UNC5C: variants seen among roughly 807,000 people sequenced by gnomAD.
UNC5C encodes netrin receptor UNC5C.
UNC5C carries 47 observed loss-of-function variants against 99.8 expected under a neutral mutation model. That is an observed-to-expected ratio of 0.47 (90% confidence interval 0.37 to 0.60). UNC5C has a LOEUF of 0.60. Ranked by LOEUF, UNC5C falls within the 20% of genes least tolerant of loss-of-function variation. The pLI, the probability that UNC5C is intolerant of heterozygous loss-of-function variation, is 0.00. For missense variants in UNC5C, 1,062 were observed against 1,165.9 expected (o/e 0.91, Z 1.30); for synonymous variants, 487 against 452.2 (o/e 1.08, Z -0.98).
chr4:95,430,099 A>G (rs911478591), intron 1 of UNC5C, among the ~76,000 whole-genome samples: 2 of 152,098 alleles, frequency 1.3e-5, no homozygotes, highest in South Asian at 2.1e-4. Context: ...GTTGTTATAC[A>G]TTGGCCAAAA....
chr4:95,423,334 C>T (rs1430882678), intron 1 of UNC5C, among the ~76,000 whole-genome samples: 1 of 152,214 alleles, frequency 6.6e-6, no homozygotes, highest in Non-Finnish European at 1.5e-5. Flanking sequence ...TGTTCCCTGG[C>T]AGCTGAGCCC....
intron 1 of UNC5C, among the ~76,000 whole-genome samples, chr4:95,442,117 G>C (rs965711975): frequency 7.2e-5 from 11 of 152,070 alleles, no homozygotes; most frequent in Non-Finnish European, 4.4e-5. Flanking sequence ...AGTAGCGCAG[G>C]GGTAGAGAGA....
chr4:95,505,792 GA>G (rs1721901570), intron 1 of UNC5C, among the ~76,000 whole-genome samples: 1 of 152,118 alleles, frequency 6.6e-6, no homozygotes, highest in South Asian at 2.1e-4. Flanking sequence ...AGGAGATGTT[GA>G]AAAGGCAAAC....
At chr4:95,445,343 T>TC (rs1269208432) in intron 1 of UNC5C, among the ~76,000 whole-genome samples, 1 of 151,914 alleles carries the variant, frequency 6.6e-6, no homozygotes, top group East Asian at 1.9e-4. Flanking sequence ...TCTTTTTTTT[T>TC]TCTTTTAGAT....
chr4:95,277,388 A>C (rs73837520), intron 4 of UNC5C, among the ~76,000 whole-genome samples: 104 of 152,338 alleles, frequency 6.8e-4, no homozygotes, highest in African/African-American at 2.4e-3. Flanking sequence ...TTGGACTTGT[A>C]GGACACGGGG....
chr4:95,248,601 G>A lies in UNC5C; in HGVS notation c.775+1886C>T, dbSNP rs77834215. 2,239 of 450,974 alleles carry A rather than the reference G, an allele frequency of 5.0e-3. 53 individuals carry two copies. Among genetic ancestry groups the A allele is most frequent in the African/African-American group, 0.041 (2,030 of 49,788 alleles). The allele number at this position is 450,974 out of a possible 1,614,324, so 27.9% of individuals were successfully genotyped here. ...GGACTAGCAGAGTGATCTTGAGCCC[G>A]CTGTTTCTCAAGGACCTTTAATGCA... is the stretch of plus-strand genomic sequence containing the variant. On this transcript the variant is annotated intron_variant, in intron 5 of 15. Transcript: ENST00000453304.
chr4:95,473,341 T>C (rs944889305), intron 1 of UNC5C, among the ~76,000 whole-genome samples: 2 of 152,280 alleles, frequency 1.3e-5, no homozygotes, highest in East Asian at 1.9e-4. Flanking sequence ...GGTCCTGTTT[T>C]ATTTTTACAT....
In UNC5C at chr4:95,375,208, A is replaced by G. The variant is rs185622261; in HGVS notation, c.125-39577T>C. On this transcript the variant is annotated intron_variant, in intron 1 of 15. Coordinates refer to ENST00000453304, the MANE Select transcript of UNC5C (RefSeq NM_003728.4). ...GAGAAAATGACAGACACAGAGATAC[A>G]TAATAGGAGTTCAGAATCACCATAA... 3.3e-3 allele frequency among the ~76,000 whole-genome samples: 505 copies of G among 152,318 alleles called. 4 individuals are homozygous for G. The highest frequency in any genetic ancestry group is 0.011 in the African/African-American group (471 of 41,586).
At chr4:95,280,846 A>G (rs965227894) in intron 3 of UNC5C, among the ~76,000 whole-genome samples, 6 of 152,110 alleles carry the variant, frequency 3.9e-5, no homozygotes, top group African/African-American at 1.4e-4. Flanking sequence ...GCTGCCTTAG[A>G]ACCTGCTGAT....
At chr4:95,499,791 G>A (rs1461703243) in intron 1 of UNC5C, among the ~76,000 whole-genome samples, 1 of 152,052 alleles carries the variant, frequency 6.6e-6, no homozygotes, top group Admixed American at 6.6e-5. Context: ...TTAGAAGTTG[G>A]AGGTATGTAT....
intron 1 of UNC5C, among the ~76,000 whole-genome samples, chr4:95,379,255 T>C (rs1285453417): frequency 6.6e-6 from 1 of 152,170 alleles, no homozygotes; most frequent in Non-Finnish European, 1.5e-5. Context: ...AGTGATAGGA[T>C]TACACTGCTA....
chr4:95,294,118 C>T (rs901221740), intron 3 of UNC5C, among the ~76,000 whole-genome samples: 5 of 152,202 alleles, frequency 3.3e-5, no homozygotes, highest in African/African-American at 1.2e-4. Flanking sequence ...ATAGTTTAGA[C>T]ATACTGGACT....
chr4:95,241,282 TCAG>T, intron 7 of UNC5C, among the ~76,000 whole-genome samples: 1 of 152,180 alleles, frequency 6.6e-6, no homozygotes. Flanking sequence ...CTTTATACAC[TCAG>T]CAGCAGCCCG....
intron 1 of UNC5C, among the ~76,000 whole-genome samples, chr4:95,506,164 A>G (rs1176990101): frequency 6.6e-6 from 1 of 152,042 alleles, no homozygotes; most frequent in African/African-American, 2.4e-5. Flanking sequence ...TTCTCAGGAA[A>G]TGTAGATAAA....
At chr4:95,215,645 C>CTTAAGCTAGAAGACAGTCACAAAAGGA (rs1738220093) in intron 10 of UNC5C, among the ~76,000 whole-genome samples, 1 of 151,966 alleles carries the variant, frequency 6.6e-6, no homozygotes, top group African/African-American at 2.4e-5. Flanking sequence ...ATTAGTAATA[C>CTTAAGCTAGAAGACAGTCACAAAAGGA]TTAAGCTAGA....
At chr4:95,338,801 A>G (rs1258279747) in intron 1 of UNC5C, among the ~76,000 whole-genome samples, 1 of 152,120 alleles carries the variant, frequency 6.6e-6, no homozygotes, top group Non-Finnish European at 1.5e-5. Context: ...ATAGTGCCTC[A>G]GATTCATTTA....
intron 3 of UNC5C, among the ~76,000 whole-genome samples, chr4:95,291,352 A>C (rs979776906): frequency 1.3e-5 from 2 of 152,232 alleles, no homozygotes; most frequent in Non-Finnish European, 2.9e-5. Flanking sequence ...GAGTACAAAA[A>C]AAAGAATGCA....
intron 1 of UNC5C, among the ~76,000 whole-genome samples, chr4:95,357,542 G>C (rs1744251832): frequency 6.6e-6 from 1 of 152,054 alleles, no homozygotes; most frequent in Non-Finnish European, 1.5e-5. Flanking sequence ...CAGCACTTTG[G>C]GAGGCTGAGG....
chr4:95,255,626 G>A (rs562888967), intron 4 of UNC5C, among the ~76,000 whole-genome samples: 6 of 150,944 alleles, frequency 4.0e-5, no homozygotes, highest in Non-Finnish European at 8.8e-5. Flanking sequence ...CTGTCACCTC[G>A]GATTTGTACT....
Sources: allele counts gnomAD v4.1 joint callset (sites outside exome capture counted in the v4.1 genomes callset), GRCh38; gene constraint gnomAD v4.1.1; transcripts MANE v1.5; gene names NCBI Gene and HGNC (gene_info 2026-07-23, HGNC 2026-07-21).